The following ADGRE1 variants were observed in gnomAD, a reference collection of about 807,000 sequenced individuals.
ADGRE1 encodes adhesion G protein-coupled receptor E1.
A neutral mutation model predicts 102.7 loss-of-function variants in ADGRE1; 82 were observed. That is an observed-to-expected ratio of 0.80 (90% CI 0.67 to 0.96). The LOEUF (loss-of-function observed/expected upper bound fraction) is 0.96, where lower values mean the gene tolerates loss of function less well. Among genes scored for constraint, ADGRE1 ranks in the 40% least tolerant of loss-of-function variants. ADGRE1 has a pLI of 0.00. For missense variants in ADGRE1, 1,032 were observed against 1,085.3 expected, an observed-to-expected ratio of 0.95 and a Z score of 0.69; for synonymous variants, 398 against 399.6, an observed-to-expected ratio of 1.00 and a Z score of 0.05.
chr19:6,893,927 G>C (rs539701348), intron 2 of ADGRE1, among the ~76,000 whole-genome samples: 1 of 152,134 alleles, frequency 6.6e-6, no homozygotes, highest in Non-Finnish European at 1.5e-5. Context: ...TGTATCTAGG[G>C]TCAACCATGT....
chr19:6,926,628 A>G, intron 16 of ADGRE1, 27 bp downstream of exon 16: 1 of 1,610,786 alleles, frequency 6.2e-7, no homozygotes, highest in Non-Finnish European at 8.5e-7. Flanking sequence ...CTCTTCCTGA[A>G]GACCCTGCTG....
At chr19:6,897,040 A>G in intron 3 of ADGRE1, 109 bp from the exon 4 acceptor site, 1 of 1,098,662 alleles carries the variant, frequency 9.1e-7, no homozygotes, top group East Asian at 2.6e-5. Flanking sequence ...ACCAAAGTGA[A>G]GTGCATATGG....
intron 10 of ADGRE1, 71 bp from the exon 11 acceptor site, chr19:6,913,582 A>C: frequency 7.1e-7 from 1 of 1,410,096 alleles, no homozygotes; most frequent in Non-Finnish European, 9.4e-7. Flanking sequence ...ATTCTTAATC[A>C]GAAAAGGGAC....
chr19:6,932,145 C>T (rs557483290), intron 17 of ADGRE1, among the ~76,000 whole-genome samples: 3 of 152,236 alleles, frequency 2.0e-5, no homozygotes, highest in Admixed American at 1.3e-4. Context: ...AAAATAAAGA[C>T]CCCATTCTTA....
chr19:6,935,493 T>C (rs1268261212), intron 18 of ADGRE1, among the ~76,000 whole-genome samples: 1 of 152,210 alleles, frequency 6.6e-6, no homozygotes, highest in African/African-American at 2.4e-5. Flanking sequence ...TTTTATGGTT[T>C]TTTTTCTCTC....
At chr19:6,936,081 T>G (rs2145037501) in intron 18 of ADGRE1, among the ~76,000 whole-genome samples, 1 of 152,330 alleles carries the variant, frequency 6.6e-6, no homozygotes, top group Admixed American at 6.5e-5. Context: ...ATTCTTTGCT[T>G]CTTTTTTCTT....
chr19:6,915,491 A>G (rs1974339047), intron 11 of ADGRE1, among the ~76,000 whole-genome samples: 1 of 152,186 alleles, frequency 6.6e-6, no homozygotes, highest in Admixed American at 6.5e-5. Context: ...AGAGAGGTTA[A>G]GTCAATGCGC....
At chr19:6,890,303 T>C (rs1973313109) in intron 1 of ADGRE1, among the ~76,000 whole-genome samples, 178 bp from the exon 2 acceptor site, 1 of 152,144 alleles carries the variant, frequency 6.6e-6, no homozygotes, top group Non-Finnish European at 1.5e-5. Flanking sequence ...GAATGGTCAT[T>C]GTTAAGCTTA....
rs758304991 is a variant in ADGRE1 at position 6,924,889 on chromosome 19, CTGTG to C, written c.1986+19_1986+22del. On this transcript the variant is annotated intron_variant, in intron 15 of 20. Transcript: ENST00000312053. ...GACAACAAGGTCTACATCGCTCGGGCTGTGTCCCCACCAAGCCCCATCTTCTCCC... is the reference window on the plus strand; with the variant it reads ...GACAACAAGGTCTACATCGCTCGGGCTCCCCACCAAGCCCCATCTTCTCCC... The C allele has an allele frequency of 1.9e-6, 3 of 1,612,150 alleles. No homozygotes were observed. The highest frequency in any genetic ancestry group is 1.7e-6 in the Non-Finnish European group (2 of 1,178,824).
intron 6 of ADGRE1, among the ~76,000 whole-genome samples, chr19:6,903,034 G>A (rs60932226): frequency 0.039 from 5,948 of 152,334 alleles, 393 homozygotes; most frequent in African/African-American, 0.13. Context: ...CAGTGTTGCA[G>A]TTCTGTAAGT....
At chr19:6,900,199 G>T (rs1037821453) in intron 5 of ADGRE1, among the ~76,000 whole-genome samples, 2 of 152,046 alleles carry the variant, frequency 1.3e-5, no homozygotes, top group African/African-American at 4.8e-5. Context: ...TTGAGACTGG[G>T]TGTGGTGGCT....
intron 20 of ADGRE1, among the ~76,000 whole-genome samples, chr19:6,939,408 G>A (rs546330401): frequency 1.3e-5 from 2 of 152,226 alleles, no homozygotes; most frequent in South Asian, 2.1e-4. Context: ...TAATTAAATA[G>A]GGAAATGATT....
chr19:6,902,059 C>A, intron 6 of ADGRE1, 38 bp downstream of exon 6: 1 of 1,611,808 alleles, frequency 6.2e-7, no homozygotes, highest in Non-Finnish European at 8.5e-7. Context: ...AGGTCCAAGT[C>A]TGTTTGAAAA....
At chr19:6,902,522 C>T (rs1337132766) in intron 6 of ADGRE1, among the ~76,000 whole-genome samples, 4 of 151,724 alleles carry the variant, frequency 2.6e-5, no homozygotes, top group Admixed American at 6.6e-5. Flanking sequence ...CTCACTGCAA[C>T]CTCCCCCTCC....
chr19:6,896,623 C>A, intron 3 of ADGRE1, 82 bp downstream of exon 3: 1 of 1,461,318 alleles, frequency 6.8e-7, no homozygotes, highest in Non-Finnish European at 9.2e-7. Context: ...TGTAGGTACT[C>A]CCCCACCCCC....
rs1242811833 is a variant in ADGRE1 at position 6,938,338 on chromosome 19, A to AG, written c.2655+690_2655+691insG. Among the ~76,000 whole-genome samples the AG allele has an allele frequency of 4.3e-4, 36 of 84,380 alleles. No individual in the cohort carries two copies. In the East Asian group the frequency reaches 0.011, roughly 25 times the overall value. The allele number at this position is 84,380 out of a possible 152,430, so 55.4% of individuals were successfully genotyped here. A position where few individuals can be genotyped will look rare whatever the true frequency, so the allele number is the denominator to read the frequency against. On this transcript the variant is annotated intron_variant, in intron 20 of 20. Transcript: ENST00000312053. ...GGCAAAAAGAGCGAAACTCCATCTCAAAAAAAAATTAAATAAATATAGATA... is the reference window on the plus strand; with the variant it reads ...GGCAAAAAGAGCGAAACTCCATCTCAGAAAAAAAATTAAATAAATATAGATA...
intron 2 of ADGRE1, chr19:6,895,741 T>G (rs1225455644): frequency 6.6e-6 from 1 of 152,236 alleles, no homozygotes. Context: ...GGGATCTTGT[T>G]CAAATGCAGA....
intron 17 of ADGRE1, among the ~76,000 whole-genome samples, chr19:6,931,919 G>T (rs920964991): frequency 1.3e-5 from 2 of 151,534 alleles, no homozygotes; most frequent in African/African-American, 4.9e-5. Flanking sequence ...GTCTTGGGGC[G>T]CCTGGCCCCA....
At chr19:6,893,630 T>C (rs1599710931) in intron 2 of ADGRE1, among the ~76,000 whole-genome samples, 2 of 152,224 alleles carry the variant, frequency 1.3e-5, no homozygotes, top group Admixed American at 1.3e-4. Context: ...TTTTGAAAGG[T>C]CTGGCTCTGC....
Sources: allele counts gnomAD v4.1 joint callset (sites outside exome capture counted in the v4.1 genomes callset), GRCh38; gene constraint gnomAD v4.1.1; transcripts MANE v1.5; gene names NCBI Gene and HGNC (gene_info 2026-07-23, HGNC 2026-07-21).